CCNH: variants seen among roughly 807,000 people sequenced by gnomAD.
The protein encoded by CCNH is cyclin-H.
In CCNH, 31 loss-of-function variants were observed where a neutral mutation model predicts 41.9. The ratio of observed to expected loss-of-function variants is 0.74; its 90% CI spans 0.56 to 1.00. The LOEUF (loss-of-function observed/expected upper bound fraction) is 1.00. Among genes scored for constraint, CCNH ranks in the 50% least tolerant of loss-of-function variants. The pLI, the probability that CCNH is intolerant of heterozygous loss-of-function variation, is 0.00. For synonymous variants in CCNH, 138 were observed against 136.1 expected, an observed-to-expected ratio of 1.01 and a Z score of -0.10; for missense variants, 362 against 388.4, an observed-to-expected ratio of 0.93 and a Z score of 0.57.
downstream of CCNH, among the ~76,000 whole-genome samples, chr5:87,372,687 C>CT (rs376154031): frequency 5.6e-4 from 85 of 151,990 alleles, 1 homozygote; most frequent in Middle Eastern, 3.4e-3. Context: ...TAGGCTTTCT[C>CT]TTTTTTTTGC....
chr5:87,317,915 C>T (rs1392353083), downstream of CCNH, among the ~76,000 whole-genome samples: 1 of 152,132 alleles, frequency 6.6e-6, no homozygotes. Flanking sequence ...TAATTACAGG[C>T]TTGAGCCACC....
At chr5:87,332,673 A>G in intron 9 of CCNH, 1 of 1,583,518 alleles carries the variant, frequency 6.3e-7, no homozygotes, top group Non-Finnish European at 8.7e-7. Flanking sequence ...ATCTTTCAAA[A>G]CTTTATTTTT....
chr5:87,324,139 T>TA (rs1220677776), intron 9 of CCNH, among the ~76,000 whole-genome samples: 1 of 152,212 alleles, frequency 6.6e-6, no homozygotes, highest in East Asian at 1.9e-4. Context: ...AATGGTATGA[T>TA]ACTATAATTG....
chr5:87,388,212 T>TAAACCTTTAATCACTGAATG (rs1388403510), downstream of CCNH, among the ~76,000 whole-genome samples: 3 of 152,214 alleles, frequency 2.0e-5, no homozygotes, highest in African/African-American at 7.2e-5. Context: ...TTCATCGCTA[T>TAAACCTTTAATCACTGAATG]AAACCTTTAA....
intron 4 of CCNH, among the ~76,000 whole-genome samples, chr5:87,405,672 C>T (rs1013580085): frequency 5.3e-5 from 8 of 152,168 alleles, no homozygotes; most frequent in African/African-American, 1.9e-4. Context: ...GCCTCCCTTT[C>T]TAATATATTT....
intron 9 of CCNH, among the ~76,000 whole-genome samples, chr5:87,325,060 T>C (rs1757127671): frequency 6.6e-6 from 1 of 152,112 alleles, no homozygotes; most frequent in Non-Finnish European, 1.5e-5. Context: ...CTTAATTGAC[T>C]CATAGTTCCG....
chr5:87,363,079 G>A (rs962983231), intron 9 of CCNH, among the ~76,000 whole-genome samples: 1 of 151,724 alleles, frequency 6.6e-6, no homozygotes, highest in Admixed American at 6.6e-5. Flanking sequence ...TCCAAAACAA[G>A]AATTCTGACA....
chr5:87,338,536 A>ATATATATATATATATATATATTTT, intron 9 of CCNH, among the ~76,000 whole-genome samples: 9 of 85,220 alleles, frequency 1.1e-4, no homozygotes, highest in South Asian at 7.8e-4. Context: ...TATATATAAA[A>ATATATATATATATATATATATTTT]TTTTTTTTTT....
chr5:87,362,680 A>C, intron 9 of CCNH: 1 of 1,603,458 alleles, frequency 6.2e-7, no homozygotes, highest in Non-Finnish European at 8.5e-7. Flanking sequence ...GGGTAAGTTC[A>C]GACTTTTATC....
intron 7 of CCNH, among the ~76,000 whole-genome samples, chr5:87,396,346 G>T (rs988162904): frequency 6.6e-6 from 1 of 152,208 alleles, no homozygotes; most frequent in Non-Finnish European, 1.5e-5. Context: ...ATGTGGCCAG[G>T]TGCAGTGGCT....
rs1301401427 is a variant in CCNH at position 87,399,480 on chromosome 5, A to C, written c.786T>G (p.Tyr262Ter). ...MKSMRNLVKK[Y>*]EPPRSEEVAV... ...CAACTTCTTCAGATCTGGGTGGTTCATACTTCTTTACTAAGTTTCTCATGC... is the reference window on the plus strand; with the variant it reads ...CAACTTCTTCAGATCTGGGTGGTTCCTACTTCTTTACTAAGTTTCTCATGC... The change falls in exon 7 of 9, where the codon TAT becomes TAG. Residue 262 changes from tyrosine to a stop codon, truncating the protein, a stop_gained. Transcript: ENST00000256897. LOFTEE classifies it high-confidence loss of function. 6.2e-7 allele frequency: 1 copy of C among 1,613,282 alleles called. No individual in the cohort carries two copies. Among genetic ancestry groups the C allele is most frequent in the Non-Finnish European group, 8.5e-7 (1 of 1,179,324 alleles).
upstream of CCNH, chr5:87,378,604 G>A (rs1447725100): frequency 5.5e-6 from 8 of 1,454,158 alleles, no homozygotes; most frequent in Admixed American, 3.6e-5. Flanking sequence ...ATAATTTGTA[G>A]CCAATTACAT....
chr5:87,405,167 T>C (rs940248108), intron 4 of CCNH, among the ~76,000 whole-genome samples, 160 bp from the exon 5 acceptor site: 1 of 152,212 alleles, frequency 6.6e-6, no homozygotes, highest in African/African-American at 2.4e-5. Flanking sequence ...ATTAATCCCT[T>C]CTCTTGGTCC....
intron 8 of CCNH, 79 bp from the exon 9 acceptor site, chr5:87,394,563 A>G: frequency 6.3e-7 from 1 of 1,591,732 alleles, no homozygotes. Context: ...CCTTTAAGAA[A>G]ATGTTCTCCT....
downstream of CCNH, among the ~76,000 whole-genome samples, chr5:87,372,538 C>T (rs1187378962): frequency 6.6e-6 from 1 of 152,122 alleles, no homozygotes. Context: ...AGATTTATAG[C>T]ACTAATCCCA....
chr5:87,392,179 A>G (rs1054211584), downstream of CCNH: 3 of 440,206 alleles, frequency 6.8e-6, no homozygotes, highest in African/African-American at 6.1e-5. Flanking sequence ...TGAGTGAGAC[A>G]GGAACCCAAG....
chr5:87,334,903 A>G (rs997156246), intron 9 of CCNH, among the ~76,000 whole-genome samples: 2 of 150,794 alleles, frequency 1.3e-5, no homozygotes, highest in African/African-American at 4.9e-5. Context: ...TTTTTTTTTG[A>G]GACAGAATCT....
At chr5:87,405,180 T>C (rs1334022598) in intron 4 of CCNH, among the ~76,000 whole-genome samples, 173 bp from the exon 5 acceptor site, 1 of 152,190 alleles carries the variant, frequency 6.6e-6, no homozygotes, top group Middle Eastern at 3.2e-3. Context: ...CTTGGTCCTT[T>C]TCCACCTGAG....
At chr5:87,333,448 G>A (rs1757740606) in intron 9 of CCNH, 3 of 1,491,190 alleles carry the variant, frequency 2.0e-6, no homozygotes, top group Non-Finnish European at 9.0e-7. Flanking sequence ...CATACAGCAA[G>A]GTGAAAGAGC....
Sources: allele counts gnomAD v4.1 joint callset (sites outside exome capture counted in the v4.1 genomes callset), GRCh38; gene constraint gnomAD v4.1.1; transcripts MANE v1.5; gene names NCBI Gene and HGNC (gene_info 2026-07-23, HGNC 2026-07-21).